Variants in KIAA1210 observed in about 807,000 individuals in gnomAD.
KIAA1210 encodes KIAA1210, also known as acrosomal protein KIAA1210.
Under a neutral mutation model 78.9 loss-of-function variants are expected in KIAA1210, and 48 were observed. The ratio of observed to expected loss-of-function variants is 0.61; its 90% CI spans 0.48 to 0.77. The LOEUF is 0.77. KIAA1210 is among the 30% of genes least tolerant of loss of function. The probability of loss-of-function intolerance (pLI) is 0.00; values close to 1 mark genes in which losing one functional copy is unlikely to be tolerated. For missense variants in KIAA1210, 1,108 were observed against 1,100.0 expected (o/e 1.01, Z -0.10); for synonymous variants, 406 against 404.5 (o/e 1.00, Z -0.04).
chrX:119,145,808 T>C (rs1929153798), intron 2 of KIAA1210, among the ~76,000 whole-genome samples: 1 of 112,221 alleles, frequency 8.9e-6, no homozygotes, highest in African/African-American at 3.2e-5. Flanking sequence ...TTGAATGGGC[T>C]GTTTTAATAG....
chrX:119,150,186 T>G, intron 1 of KIAA1210: 3 of 851,289 alleles, frequency 3.5e-6, no homozygotes, highest in Non-Finnish European at 4.9e-6. Flanking sequence ...CTCCCTGGTC[T>G]GTCTGTTATA....
chrX:119,085,673 A>G (rs991335142), intron 9 of KIAA1210, 127 bp from the exon 10 acceptor site: 6 of 635,433 alleles, frequency 9.4e-6, no homozygotes, highest in Admixed American at 8.3e-5. Context: ...ATAAACAGAT[A>G]TCAAACAGAG....
In KIAA1210 at chrX:119,088,209, A is replaced by G. The variant is rs1927226624; in HGVS notation, c.2493T>C (p.Ala831=). ...QNMFSGSEDI[A]VERVISVEPL... ...GCTCCACAGAAATGACTCTCTCAAC[A>G]GCAATGTCCTCTGAACCTGAGAACA... Residue 831 remains alanine, a synonymous_variant, in exon 9 of 12, where the codon GCT becomes GCC. Coordinates refer to ENST00000691062, the MANE Select transcript of KIAA1210 (RefSeq NM_001394962.1). 10 of 1,211,679 alleles carry G rather than the reference A, an allele frequency of 8.3e-6. No individual in the cohort carries two copies. The East Asian group carries it at 2.1e-4, about 25-fold the overall frequency.
At chrX:119,112,674 A>G (rs1189102640) in intron 3 of KIAA1210, among the ~76,000 whole-genome samples, 1 of 111,851 alleles carries the variant, frequency 8.9e-6, no homozygotes, top group Non-Finnish European at 1.9e-5. Flanking sequence ...TTCAGATAAT[A>G]ACACGCATTG....
intron 1 of KIAA1210, among the ~76,000 whole-genome samples, chrX:119,125,735 A>T (rs28662133): frequency 0.03 from 474 of 15,842 alleles, 71 homozygotes; most frequent in African/African-American, 0.12. Flanking sequence ...ATATATATAT[A>T]TTTTTTTTTT....
At chrX:119,130,116 C>A (rs1466248946), upstream of KIAA1210, among the ~76,000 whole-genome samples, 1 of 111,717 alleles carries the variant, frequency 9.0e-6, no homozygotes, top group African/African-American at 3.3e-5. Context: ...TAACCATGAG[C>A]CTCCCCGCTT....
rs967567673 is a variant in KIAA1210 at position 119,096,633 on chromosome X, G to T, written c.707C>A (p.Thr236Lys). 6 of 1,208,874 alleles carry T rather than the reference G, an allele frequency of 5.0e-6. No individual in the cohort carries two copies. In the African/African-American group the frequency reaches 1.1e-4, roughly 21 times the overall value. Residue 236 changes from threonine (T) to lysine (K), a missense_variant, in exon 7 of 12, where the codon ACA becomes AAA. Physicochemically the swap from Thr to Lys is moderately conservative, Grantham distance 78. Coordinates refer to ENST00000691062, the MANE Select transcript of KIAA1210 (RefSeq NM_001394962.1). Reference sequence around the variant, plus strand: ...CTGGGTGCTACTGGTAGAGGCAAGTGTGGCAAATGCAGTCAAGGACTGTGA... The same window carrying T: ...CTGGGTGCTACTGGTAGAGGCAAGTTTGGCAAATGCAGTCAAGGACTGTGA... ...DCSQSLTAFA[T>K]LASTSSTQLP... is the part of the protein sequence containing the mutation.
At chrX:119,095,555 A>C (rs1015194416) in intron 7 of KIAA1210, among the ~76,000 whole-genome samples, 1 of 110,674 alleles carries the variant, frequency 9.0e-6, no homozygotes, top group Non-Finnish European at 1.9e-5. Flanking sequence ...CACCTGGTTA[A>C]TTTTGTATTT....
chrX:119,107,866 C>A (rs897090409), intron 5 of KIAA1210, among the ~76,000 whole-genome samples: 2 of 111,922 alleles, frequency 1.8e-5, no homozygotes, highest in Non-Finnish European at 3.8e-5. Context: ...TCAGCTCCCC[C>A]TGAAGCATTT....
intron 2 of KIAA1210, among the ~76,000 whole-genome samples, chrX:119,121,031 C>A (rs924396475): frequency 2.7e-5 from 3 of 111,323 alleles, no homozygotes; most frequent in African/African-American, 6.5e-5. Flanking sequence ...CAACACCCCC[C>A]ACCCCCACTA....
intron 2 of KIAA1210, among the ~76,000 whole-genome samples, chrX:119,140,810 C>G (rs1929032242): frequency 8.9e-6 from 1 of 112,056 alleles, no homozygotes; most frequent in Non-Finnish European, 1.9e-5. Flanking sequence ...CATGGTGGCA[C>G]ATGCCTGTAG....
chrX:119,149,485 C>CA (rs1929242806), intron 1 of KIAA1210, among the ~76,000 whole-genome samples: 2 of 111,160 alleles, frequency 1.8e-5, no homozygotes, highest in Admixed American at 1.9e-4. Context: ...TGGAGACTTG[C>CA]AATGAGTGAG....
Position 119,108,480 on chromosome X carries a change from G to A in KIAA1210, c.358-9C>T, listed in dbSNP as rs1171753095. The A allele has an allele frequency of 5.1e-6, 6 of 1,187,031 alleles. No homozygotes were observed. Among genetic ancestry groups the A allele is most frequent in the Non-Finnish European group, 6.8e-6 (6 of 883,999 alleles). ...CTGGAAATATGGGATCTCTGTGTAA[G>A]AGAGAGAGAAAAAAACTTGAGGATT... is the stretch of plus-strand genomic sequence containing the variant. On this transcript the variant is annotated splice_polypyrimidine_tract_variant and intron_variant, in intron 4 of 11. Transcript: ENST00000691062.
At chrX:119,140,198 T>C (rs1929014783) in intron 2 of KIAA1210, among the ~76,000 whole-genome samples, 1 of 111,887 alleles carries the variant, frequency 8.9e-6, no homozygotes, top group African/African-American at 3.3e-5. Flanking sequence ...TGTCTTACTT[T>C]CAGATTGTTT....
At position 119,126,682 on chromosome X, in the gene KIAA1210, T is replaced by A. The variant is rs187433738; in HGVS notation, c.-11+1045A>T. ...CCACATCAATGGATTTACACACCAA[T>A]GCATTGTCCCAGAATGAATGGCTTT... On this transcript the variant is annotated intron_variant, in intron 1 of 11. Coordinates refer to ENST00000691062, the MANE Select transcript of KIAA1210 (RefSeq NM_001394962.1). Among the ~76,000 whole-genome samples, 431 of 112,036 alleles carry A rather than the reference T, an allele frequency of 3.8e-3. 2 individuals carry two copies. Among genetic ancestry groups the A allele is most frequent in the African/African-American group, 0.013 (395 of 30,844 alleles).
At chrX:119,116,346 G>C (rs930801335) in intron 3 of KIAA1210, 150 bp downstream of exon 3, 2 of 511,841 alleles carry the variant, frequency 3.9e-6, no homozygotes, top group Non-Finnish European at 6.4e-6. Flanking sequence ...CCCTCCCCCG[G>C]ACATGACTGC....
chrX:119,123,320 T>G (rs752220728), intron 2 of KIAA1210, among the ~76,000 whole-genome samples: 22 of 112,253 alleles, frequency 2.0e-4, no homozygotes, highest in Non-Finnish European at 3.2e-4. Context: ...CTGTTCTGAT[T>G]GGTTTTTTCT....
intron 1 of KIAA1210, among the ~76,000 whole-genome samples, chrX:119,124,971 TATAAC>T (rs1407675996): frequency 7.4e-5 from 8 of 108,644 alleles, no homozygotes; most frequent in African/African-American, 3.3e-5. Flanking sequence ...TAGCAACAAA[TATAAC>T]AGATACAGGG....
intron 9 of KIAA1210, 38 bp downstream of exon 9, chrX:119,086,508 T>C: frequency 9.0e-7 from 1 of 1,116,012 alleles, no homozygotes; most frequent in Non-Finnish European, 1.2e-6. Context: ...TGTTTCCACT[T>C]GATATCTGCT....
Sources: allele counts gnomAD v4.1 joint callset (sites outside exome capture counted in the v4.1 genomes callset), GRCh38; gene constraint gnomAD v4.1.1; transcripts MANE v1.5; gene names NCBI Gene and HGNC (gene_info 2026-07-23, HGNC 2026-07-21).